Variants in FGD6 observed in about 807,000 individuals in gnomAD.
FGD6 encodes FYVE, RhoGEF and PH domain containing 6.
In FGD6, 90 loss-of-function variants were observed where a neutral mutation model predicts 149.4. The observed-to-expected ratio is 0.60, with a 90% CI of 0.51 to 0.72. The LOEUF is 0.72. Ranked by LOEUF, FGD6 falls within the 30% of genes least tolerant of loss-of-function variation. FGD6 has a pLI of 0.00. For missense variants in FGD6, 1,437 were observed against 1,684.8 expected (o/e 0.85, Z 2.57); for synonymous variants, 527 against 584.0 (o/e 0.90, Z 1.41).
intron 14 of FGD6, among the ~76,000 whole-genome samples, chr12:95,103,951 G>A (rs1878528345): frequency 6.6e-6 from 1 of 152,188 alleles, no homozygotes; most frequent in Admixed American, 6.5e-5. Flanking sequence ...TTTTTAGAAG[G>A]AGATTACACC....
Position 95,083,030 on chromosome 12 carries a change from T to C in FGD6, c.4256+1468A>G, listed in dbSNP as rs11107888. 3.9e-3 allele frequency among the ~76,000 whole-genome samples: 220 copies of C among 56,526 alleles called. 11 individuals carry two copies. Among genetic ancestry groups the C allele is most frequent in the African/African-American group, 8.6e-3 (106 of 12,348 alleles). The allele number at this position is 56,526 out of a possible 152,430, so 37.1% of individuals were successfully genotyped here. On this transcript the variant is annotated intron_variant, in intron 20 of 20. Transcript: ENST00000343958. ...AAAAAAAAATATATATATATATATA[T>C]ACACACACATACACACACACACACA...
intron 2 of FGD6, among the ~76,000 whole-genome samples, chr12:95,199,048 A>G (rs1385278855): frequency 6.6e-6 from 1 of 152,198 alleles, no homozygotes; most frequent in East Asian, 1.9e-4. Context: ...TTACAAAAGG[A>G]GAAAAAAGTG....
chr12:95,196,739 A>T (rs944281640), intron 2 of FGD6, among the ~76,000 whole-genome samples: 2 of 151,532 alleles, frequency 1.3e-5, no homozygotes, highest in Non-Finnish European at 2.9e-5. Flanking sequence ...TCCCAGACTC[A>T]GGTGATCTTC....
chr12:95,214,450 A>G (rs1311337168), intron 1 of FGD6, among the ~76,000 whole-genome samples: 5 of 152,094 alleles, frequency 3.3e-5, no homozygotes, highest in Non-Finnish European at 5.9e-5. Flanking sequence ...TCATGGCTCT[A>G]TTTTGGAAGA....
At chr12:95,140,125 T>C (rs1879801693) in intron 6 of FGD6, among the ~76,000 whole-genome samples, 1 of 152,210 alleles carries the variant, frequency 6.6e-6, no homozygotes, top group African/African-American at 2.4e-5. Flanking sequence ...TAGAGAAATT[T>C]TGAACATGAA....
At chr12:95,156,984 C>A (rs973320217) in intron 3 of FGD6, among the ~76,000 whole-genome samples, 2 of 152,146 alleles carry the variant, frequency 1.3e-5, no homozygotes, top group African/African-American at 4.8e-5. Flanking sequence ...AATCTCTCTT[C>A]AATATCTGCC....
chr12:95,160,129 G>C (rs1463352206), intron 3 of FGD6, among the ~76,000 whole-genome samples: 1 of 151,932 alleles, frequency 6.6e-6, no homozygotes, highest in Admixed American at 6.6e-5. Flanking sequence ...AGGATCACTT[G>C]AGCACAGGAG....
chr12:95,110,865 T>C (rs1878797387), intron 9 of FGD6, among the ~76,000 whole-genome samples: 1 of 152,082 alleles, frequency 6.6e-6, no homozygotes, highest in African/African-American at 2.4e-5. Flanking sequence ...GATTCTACTT[T>C]CCCCACGTCA....
intron 2 of FGD6, among the ~76,000 whole-genome samples, chr12:95,196,310 T>C (rs973757192): frequency 1.1e-4 from 17 of 152,196 alleles, no homozygotes; most frequent in African/African-American, 4.1e-4. Context: ...AAGGTCTTGC[T>C]ACGTTGCCCA....
chr12:95,084,511 G>A lies in FGD6; in HGVS notation c.4243C>T (p.His1415Tyr), dbSNP rs772341896. ...LFYVFKAEDA[H>Y]SAQKWIEAFQ... ...CAGATTACTTACTTCTGAGCCGAAT[G>A]AGCATCCTCTGCTTTGAATACATAA... The change falls in exon 20 of 21, where the codon CAT becomes TAT. Residue 1415 changes from histidine (H) to tyrosine (Y), a missense_variant. This residue lies in a region of FGD6 where 382 missense variants were observed against 538.7 expected (regional missense o/e 0.71). Coordinates refer to ENST00000343958, the MANE Select transcript of FGD6 (RefSeq NM_018351.4). 2 of 1,567,028 alleles carry A rather than the reference G, an allele frequency of 1.3e-6. No homozygotes were observed. The highest frequency in any genetic ancestry group is 1.4e-5 in the African/African-American group (1 of 72,390).
rs752867981 is a variant in FGD6, at chr12:95,092,824, C to T, written c.3622G>A (p.Glu1208Lys). ...LDEADSENKE[E>K]VSPLGSKAPI... ...GCCTTCGATCCAAGAGGACTAACTT[C>T]TTCTTTATTTTCTGAGTCTGCCTGT... Residue 1208 changes from glutamate (E) to lysine (K), a missense_variant, in exon 16 of 21, where the codon GAA becomes AAA. Glu to Lys is a moderately conservative substitution (Grantham distance 56, BLOSUM62 1). This residue lies in a region of FGD6 where 382 missense variants were observed against 538.7 expected (regional missense o/e 0.71). Transcript: ENST00000343958. 6.2e-7 allele frequency: 1 copy of T among 1,612,874 alleles called. No individual in the cohort carries two copies. Among genetic ancestry groups the T allele is most frequent in the African/African-American group, 1.3e-5 (1 of 74,866 alleles).
rs373983357 is a variant in FGD6 at position 95,105,061 on chromosome 12, T to A, written c.3443A>T (p.Tyr1148Phe). 1 of 1,610,960 alleles carries A rather than the reference T, an allele frequency of 6.2e-7. No individual in the cohort carries two copies. Among genetic ancestry groups the A allele is most frequent in the African/African-American group, 1.3e-5 (1 of 74,610 alleles). Residue 1148 changes from tyrosine (Y) to phenylalanine (F), a missense_variant, in exon 14 of 21, where the codon TAT (tyrosine) becomes TTT (phenylalanine). Around this residue, in one of 2 missense-constraint regions of FGD6, gnomAD observed 382 missense variants for 538.7 expected, o/e 0.71. Coordinates refer to ENST00000343958, the MANE Select transcript of FGD6 (RefSeq NM_018351.4). ...ACTTTCAATCTTTAATTCATTCTGA[T>A]AGGCTTCTTGGGTAGGTTTTCTGAC... is the stretch of plus-strand genomic sequence containing the variant. ...MKVRKPTQEA[Y>F]QNELKIESVE...
intron 8 of FGD6, among the ~76,000 whole-genome samples, chr12:95,133,422 G>A (rs79455801): frequency 0.22 from 32,887 of 152,040 alleles, 3,810 homozygotes; most frequent in African/African-American, 0.25. Flanking sequence ...GGTCTTCCTC[G>A]TGAGCAGTCT....
chr12:95,205,080 C>A (rs1000370004), intron 2 of FGD6, among the ~76,000 whole-genome samples: 7 of 152,034 alleles, frequency 4.6e-5, no homozygotes, highest in African/African-American at 1.7e-4. Context: ...CTAGCCTGGG[C>A]AACAAGGTGA....
intron 3 of FGD6, among the ~76,000 whole-genome samples, chr12:95,156,135 T>C (rs370289893): frequency 1.3e-5 from 2 of 152,144 alleles, no homozygotes; most frequent in Non-Finnish European, 2.9e-5. Flanking sequence ...GTTTGAACAA[T>C]ATAAAATCTG....
chr12:95,209,118 C>G lies in FGD6; in HGVS notation c.2166G>C (p.Leu722Phe), dbSNP rs150895781. 1 of 1,614,014 alleles carries G rather than the reference C, an allele frequency of 6.2e-7. No homozygotes were observed. The highest frequency in any genetic ancestry group is 1.3e-5 in the African/African-American group (1 of 74,910). The change falls in exon 2 of 21, where the codon TTG becomes TTC. Residue 722 changes from leucine (L) to phenylalanine (F), a missense_variant. Around this residue, in one of 2 missense-constraint regions of FGD6, gnomAD observed 1,055 missense variants for 1,146.0 expected, o/e 0.92. Coordinates refer to ENST00000343958, the MANE Select transcript of FGD6 (RefSeq NM_018351.4). ...ACTCCCGGGAGAGCATTTGGTCATC[C>G]AAAGACTCAGCTCTCAGACCATTAG... ...SAANGLRAES[L>F]DDQMLSRESS... is the part of the protein sequence containing the mutation.
chr12:95,172,046 G>GGGGGAGT (rs562514503), intron 3 of FGD6, among the ~76,000 whole-genome samples: 1 of 136,322 alleles, frequency 7.3e-6, no homozygotes, highest in African/African-American at 2.8e-5. Flanking sequence ...GGGGGGGGGG[G>GGGGGAGT]TTGTTATCAA....
At chr12:95,190,627 A>G (rs1200253337) in intron 2 of FGD6, among the ~76,000 whole-genome samples, 5 of 152,212 alleles carry the variant, frequency 3.3e-5, no homozygotes, top group African/African-American at 1.2e-4. Context: ...TGGAGACAAG[A>G]CAGCAGAGTC....
intron 8 of FGD6, among the ~76,000 whole-genome samples, chr12:95,129,754 C>T (rs1200230229): frequency 6.6e-6 from 1 of 152,284 alleles, no homozygotes; most frequent in East Asian, 1.9e-4. Context: ...CTCACTGCAA[C>T]GTCCACCTCC....
Sources: gnomAD v4.1 joint callset for allele counts (sites outside exome capture counted in the v4.1 genomes callset) on GRCh38, gnomAD v4.1.1 for gene constraint, gnomAD v4.1.1 regional missense constraint, MANE v1.5 for transcripts, NCBI Gene and HGNC (gene_info 2026-07-23, HGNC 2026-07-21) for gene names.